Variants in MED12L observed in about 807,000 individuals in gnomAD.
The protein encoded by MED12L is mediator of RNA polymerase II transcription subunit 12-like protein.
Under a neutral mutation model 281.3 loss-of-function variants are expected in MED12L, and 60 were observed. The observed-to-expected ratio is 0.21, with a 90% confidence interval of 0.17 to 0.26. MED12L has a LOEUF of 0.26. Ranked by LOEUF, MED12L falls within the 10% of genes least tolerant of loss-of-function variation. The pLI, the probability that MED12L is intolerant of heterozygous loss-of-function variation, is 1.00. For synonymous variants in MED12L, 974 were observed against 987.2 expected (o/e 0.99, Z 0.25); for missense variants, 2,146 against 2,680.9 (o/e 0.80, Z 4.41).
In MED12L at chr3:151,416,362, G is replaced by T; in HGVS notation, c.6348G>T (p.Gln2116His). The change falls in exon 43 of 45, where the codon CAG (glutamine) becomes CAT (histidine). Residue 2116 changes from glutamine to histidine, a missense_variant. Gln to His is a conservative substitution (Grantham distance 24). This residue lies in a region of MED12L where 496 missense variants were observed against 512.0 expected (regional missense o/e 0.97). Coordinates refer to ENST00000687756, the MANE Select transcript of MED12L (RefSeq NM_001393769.1). ...CCCAGCAGCCTCCCCAGCCCCAGCAGTCCTCGCAGTCCCAGAGTCAGACCC... is the reference window on the plus strand; with the variant it reads ...CCCAGCAGCCTCCCCAGCCCCAGCATTCCTCGCAGTCCCAGAGTCAGACCC... ...PQPQQPPQPQQSSQSQSQTLG... is the reference protein window; with the variant it reads ...PQPQQPPQPQHSSQSQSQTLG... The T allele has an allele frequency of 6.9e-7, 1 of 1,444,824 alleles. No homozygotes were observed. 89.5% of individuals were successfully genotyped at this position (1,444,824 alleles called of 1,614,324 possible). A position where few individuals can be genotyped will look rare whatever the true frequency, so the allele number is the denominator to read the frequency against.
intron 4 of MED12L, 113 bp downstream of exon 4, chr3:151,123,087 G>A: frequency 1.1e-6 from 1 of 925,824 alleles, no homozygotes. Flanking sequence ...CAAGCCTATT[G>A]GCAGGTTTGT....
At chr3:151,321,622 C>A (rs896670950) in intron 16 of MED12L, among the ~76,000 whole-genome samples, 1 of 151,904 alleles carries the variant, frequency 6.6e-6, no homozygotes, top group African/African-American at 2.4e-5. Context: ...AACTGAAGTT[C>A]AAAAATAAAG....
At chr3:151,298,548 G>A (rs1013673611) in intron 16 of MED12L, among the ~76,000 whole-genome samples, 3 of 152,176 alleles carry the variant, frequency 2.0e-5, no homozygotes, top group Non-Finnish European at 2.9e-5. Flanking sequence ...ACCTACTTTG[G>A]TATTCTCTCT....
intron 27 of MED12L, among the ~76,000 whole-genome samples, chr3:151,375,705 G>A (rs540922603): frequency 3.5e-4 from 53 of 152,102 alleles, no homozygotes; most frequent in African/African-American, 1.2e-3. Context: ...TATATAGCAA[G>A]TTAGAAAAAA....
intron 18 of MED12L, 127 bp from the exon 19 acceptor site, chr3:151,355,769 C>T (rs1014935437): frequency 8.7e-6 from 6 of 686,090 alleles, no homozygotes; most frequent in Non-Finnish European, 1.3e-5. Context: ...TATAGAAACA[C>T]GTTTTGACTT....
chr3:151,096,990 T>G (rs886296636), intron 2 of MED12L, among the ~76,000 whole-genome samples: 5 of 152,232 alleles, frequency 3.3e-5, no homozygotes, highest in African/African-American at 4.8e-5. Flanking sequence ...GTGTGGTGTT[T>G]CCTGGGCAGG....
chr3:151,430,220 C>T, intron 43 of MED12L, 79 bp from the exon 44 acceptor site: 1 of 1,594,392 alleles, frequency 6.3e-7, no homozygotes, highest in Non-Finnish European at 8.6e-7. Context: ...TACAGACTGG[C>T]CCTGCGAGTT....
At chr3:151,381,889 C>G (rs1409870455) in intron 32 of MED12L, among the ~76,000 whole-genome samples, 1 of 152,210 alleles carries the variant, frequency 6.6e-6, no homozygotes. Flanking sequence ...TGGAGTACTT[C>G]TGCATGTGAC....
At chr3:151,123,260 TA>T (rs958506129) in intron 4 of MED12L, among the ~76,000 whole-genome samples, 3 of 151,690 alleles carry the variant, frequency 2.0e-5, no homozygotes, top group Non-Finnish European at 4.4e-5. Flanking sequence ...AGCCTTCATT[TA>T]AAAAAAAATT....
chr3:151,190,881 G>A lies in MED12L; in HGVS notation c.1918G>A (p.Gly640Arg), dbSNP rs1215356313. 9.3e-6 allele frequency: 15 copies of A among 1,614,018 alleles called. No individual in the cohort carries two copies. In the Middle Eastern group the frequency reaches 8.2e-4, roughly 88 times the overall value. The change falls in exon 14 of 45, where the codon GGG becomes AGG. Residue 640 changes from glycine to arginine, a missense_variant. By Grantham distance (125) the Gly-to-Arg change is moderately radical. Transcript: ENST00000687756. ...CTCAACTCGGCCGCGGTCACCAGTA[G>A]GGGAAAATGCAGATGAACACTATTC... ...TASTRPRSPV[G>R]ENADEHYSKD...
chr3:151,213,943 TTTACAA>T, intron 16 of MED12L: 4 of 1,614,134 alleles, frequency 2.5e-6, no homozygotes, highest in Non-Finnish European at 3.4e-6. Context: ...CCAAAGAGGC[TTTACAA>T]TTTTATAATA....
intron 4 of MED12L, among the ~76,000 whole-genome samples, chr3:151,125,695 C>T (rs765500632): frequency 6.6e-6 from 1 of 152,182 alleles, no homozygotes; most frequent in African/African-American, 2.4e-5. Flanking sequence ...GGGTCTTGAA[C>T]TGAATATTGA....
At chr3:151,152,952 C>T (rs1718756904) in intron 5 of MED12L, among the ~76,000 whole-genome samples, 1 of 152,202 alleles carries the variant, frequency 6.6e-6, no homozygotes, top group Non-Finnish European at 1.5e-5. Context: ...GCTTCCATTT[C>T]TCTCTTTAAT....
chr3:151,408,717 C>G (rs1458344531), intron 39 of MED12L, among the ~76,000 whole-genome samples: 2 of 152,292 alleles, frequency 1.3e-5, no homozygotes, highest in Middle Eastern at 3.4e-3. Flanking sequence ...CAAAATTTAT[C>G]GACTATATTC....
intron 16 of MED12L, among the ~76,000 whole-genome samples, chr3:151,211,337 T>C (rs918559465): frequency 6.6e-5 from 10 of 152,116 alleles, no homozygotes; most frequent in African/African-American, 2.4e-4. Context: ...TCCTGGCCAA[T>C]GTAAGTTGTG....
chr3:151,355,357 C>G, intron 18 of MED12L, 118 bp downstream of exon 18: 1 of 644,248 alleles, frequency 1.6e-6, no homozygotes, highest in Non-Finnish European at 2.7e-6. Flanking sequence ...TATAAACATA[C>G]TTGGAAGTAT....
rs1160888607 is a variant in MED12L, at chr3:151,086,998, C to T, written c.72C>T (p.Val24=). 5 of 1,610,234 alleles carry T rather than the reference C, an allele frequency of 3.1e-6. No homozygotes were observed. Among genetic ancestry groups the T allele is most frequent in the Non-Finnish European group, 4.2e-6 (5 of 1,179,014 alleles). Residue 24 remains valine (V), a synonymous_variant, in exon 2 of 45, where the codon GTC becomes GTT. Transcript: ENST00000687756. ...GCCCCCGGCTCGGGCCGCCCGACGT[C>T]TACCCACAGGACCCCAAGCAGAAGG... ...LKRPRLGPPD[V]YPQDPKQKED...
intron 43 of MED12L, among the ~76,000 whole-genome samples, chr3:151,420,623 A>G (rs974691573): frequency 6.6e-6 from 1 of 152,188 alleles, no homozygotes; most frequent in African/African-American, 2.4e-5. Flanking sequence ...AGCCCTGCAA[A>G]GTATTGTCAC....
At chr3:151,256,862 TG>T (rs1737916520) in intron 16 of MED12L, among the ~76,000 whole-genome samples, 2 of 150,482 alleles carry the variant, frequency 1.3e-5, no homozygotes, top group Admixed American at 6.6e-5. Context: ...TTTTTTTTGT[TG>T]TTTTTTTTTT....
Sources: gnomAD v4.1 joint callset for allele counts (sites outside exome capture counted in the v4.1 genomes callset) on GRCh38, gnomAD v4.1.1 for gene constraint, gnomAD v4.1.1 regional missense constraint, MANE v1.5 for transcripts, NCBI Gene and HGNC (gene_info 2026-07-23, HGNC 2026-07-21) for gene names.